The following PPP4R3B variants were observed in gnomAD, a reference collection of about 807,000 sequenced individuals.
The protein encoded by PPP4R3B is serine/threonine-protein phosphatase 4 regulatory subunit 3B.
A neutral mutation model predicts 95.4 loss-of-function variants in PPP4R3B; 52 were observed. The ratio of observed to expected loss-of-function variants is 0.54; its 90% confidence interval spans 0.44 to 0.69. The LOEUF is 0.69. Among genes scored for constraint, PPP4R3B ranks in the 30% least tolerant of loss-of-function variants. The probability of loss-of-function intolerance (pLI) is 0.00; values close to 1 mark genes in which losing one functional copy is unlikely to be tolerated. For missense variants in PPP4R3B, 1,003 were observed against 1,005.9 expected (o/e 1.00, Z 0.04); for synonymous variants, 407 against 343.9 (o/e 1.18, Z -2.03).
intron 7 of PPP4R3B, 38 bp downstream of exon 7, chr2:55,585,013 A>G: frequency 7.0e-7 from 1 of 1,418,876 alleles, no homozygotes. Context: ...TACTCACTCT[A>G]CAGGTAATTC....
chr2:55,612,858 A>G (rs963722329), intron 2 of PPP4R3B, among the ~76,000 whole-genome samples: 4 of 151,968 alleles, frequency 2.6e-5, no homozygotes, highest in African/African-American at 9.7e-5. Context: ...AGGCAGGAGA[A>G]TGGTGTGAAC....
At chr2:55,574,297 A>T (rs1216212769) in intron 11 of PPP4R3B, among the ~76,000 whole-genome samples, 4 of 151,680 alleles carry the variant, frequency 2.6e-5, no homozygotes, top group African/African-American at 9.7e-5. Context: ...TAGATAACTA[A>T]GACTTATATT....
Position 55,588,948 on chromosome 2 carries a change from C to T in PPP4R3B, c.930G>A (p.Glu310=), listed in dbSNP as rs1690571611. 3.8e-6 allele frequency: 6 copies of T among 1,598,638 alleles called. No individual in the cohort carries two copies. The East Asian group carries it at 1.3e-4, about 36-fold the overall frequency. ...GTGCAAAAACTTCAGACAAAAACTT[C>T]TCATCTTCCTGCATGAGAAAAATAA... ...VEIVSMLQED[E]KFLSEVFAQL... Residue 310 remains glutamate, a synonymous_variant, in exon 5 of 17, where the codon GAG becomes GAA. Transcript: ENST00000616407.
At chr2:55,603,648 A>T (rs983491296) in intron 3 of PPP4R3B, among the ~76,000 whole-genome samples, 1 of 152,188 alleles carries the variant, frequency 6.6e-6, no homozygotes, top group African/African-American at 2.4e-5. Flanking sequence ...CATATGACCA[A>T]ATATTTATGT....
At chr2:55,591,240 A>C (rs1690974075) in intron 4 of PPP4R3B, among the ~76,000 whole-genome samples, 1 of 151,200 alleles carries the variant, frequency 6.6e-6, no homozygotes, top group Admixed American at 6.6e-5. Context: ...GGACTCAAGC[A>C]ATCTTCCTCC....
intron 1 of PPP4R3B, among the ~76,000 whole-genome samples, chr2:55,616,901 G>A (rs1695023091): frequency 6.6e-6 from 1 of 152,108 alleles, no homozygotes; most frequent in South Asian, 2.1e-4. Context: ...CTTCAAAAGA[G>A]GAGGGACTGG....
intron 16 of PPP4R3B, 22 bp downstream of exon 16, chr2:55,558,753 T>C: frequency 1.4e-6 from 2 of 1,478,868 alleles, no homozygotes; most frequent in Admixed American, 4.3e-5. Context: ...GCAAAGTTTG[T>C]GTGTAATGCT....
intron 2 of PPP4R3B, among the ~76,000 whole-genome samples, chr2:55,610,220 TC>T (rs1466646252): frequency 1.3e-5 from 2 of 152,220 alleles, no homozygotes; most frequent in Non-Finnish European, 2.9e-5. Flanking sequence ...GAATAGACTT[TC>T]ATTTTTTGTA....
chr2:55,616,916 G>A lies in PPP4R3B; in HGVS notation c.142+228C>T, dbSNP rs1158919356. Among the ~76,000 whole-genome samples, 3 of 152,110 alleles carry A rather than the reference G, an allele frequency of 2.0e-5. No individual in the cohort carries two copies. The East Asian group carries it at 5.8e-4, about 29-fold the overall frequency. ...CTTCAAAAGAGGAGGGACTGGAAAG[G>A]AAGGAGTCCAATCCTTAAGAGAGAT... On this transcript the variant is annotated intron_variant, in intron 1 of 16. Coordinates refer to ENST00000616407, the MANE Select transcript of PPP4R3B (RefSeq NM_001122964.3).
At chr2:55,601,580 CTG>C (rs1431454868) in intron 3 of PPP4R3B, among the ~76,000 whole-genome samples, 1 of 152,018 alleles carries the variant, frequency 6.6e-6, no homozygotes, top group Admixed American at 6.6e-5. Context: ...CGGGGTTTCA[CTG>C]TGTTAGCCAG....
At chr2:55,577,016 G>A (rs1160870052) in intron 11 of PPP4R3B, among the ~76,000 whole-genome samples, 2 of 152,222 alleles carry the variant, frequency 1.3e-5, no homozygotes, top group African/African-American at 4.8e-5. Context: ...TAGTTGCAAA[G>A]TAATTGGTTT....
intron 1 of PPP4R3B, 127 bp from the exon 2 acceptor site, chr2:55,615,633 A>G: frequency 1.7e-6 from 1 of 585,290 alleles, no homozygotes. Context: ...AGGCGGGCAG[A>G]TCACGAGGTC....
chr2:55,555,219 G>T (rs999262240), intron 16 of PPP4R3B, among the ~76,000 whole-genome samples: 1 of 146,258 alleles, frequency 6.8e-6, no homozygotes, highest in Non-Finnish European at 1.5e-5. Context: ...GGCGGAGCTT[G>T]CAGTGAGCCA....
At chr2:55,564,760 G>C in intron 14 of PPP4R3B, 142 bp downstream of exon 14, 1 of 897,296 alleles carries the variant, frequency 1.1e-6, no homozygotes, top group Non-Finnish European at 1.7e-6. Context: ...GGGTAGGGGG[G>C]ACGCCTTACC....
intron 2 of PPP4R3B, among the ~76,000 whole-genome samples, chr2:55,606,945 T>C (rs1693500194): frequency 6.6e-6 from 1 of 152,222 alleles, no homozygotes; most frequent in Admixed American, 6.5e-5. Flanking sequence ...GTTGACAGTT[T>C]ACACTAGCAG....
chr2:55,595,198 AT>A (rs1373526606), intron 4 of PPP4R3B, among the ~76,000 whole-genome samples: 2 of 151,762 alleles, frequency 1.3e-5, no homozygotes, highest in African/African-American at 4.8e-5. Context: ...TAATTTTTGT[AT>A]TTTTAGTAGA....
intron 16 of PPP4R3B, 40 bp downstream of exon 16, chr2:55,558,735 C>T (rs377540501): frequency 5.6e-5 from 78 of 1,392,018 alleles, no homozygotes; most frequent in South Asian, 8.9e-5. Flanking sequence ...ATCTCACAGA[C>T]GGGAAAAGCA....
intron 11 of PPP4R3B, among the ~76,000 whole-genome samples, chr2:55,575,569 C>T (rs1443376814): frequency 6.6e-6 from 1 of 152,116 alleles, no homozygotes; most frequent in Non-Finnish European, 1.5e-5. Flanking sequence ...CCTCAGCCTC[C>T]CTAGTAGCTG....
At chr2:55,590,005 T>C (rs1424718639) in intron 4 of PPP4R3B, among the ~76,000 whole-genome samples, 1 of 144,714 alleles carries the variant, frequency 6.9e-6, no homozygotes, top group Non-Finnish European at 1.5e-5. Context: ...ATATATAATA[T>C]ATATATAGTC....
Sources: gnomAD v4.1 joint callset for allele counts (sites outside exome capture counted in the v4.1 genomes callset) on GRCh38, gnomAD v4.1.1 for gene constraint, MANE v1.5 for transcripts, NCBI Gene and HGNC (gene_info 2026-07-23, HGNC 2026-07-21) for gene names.